SKP1: variants seen among roughly 807,000 people sequenced by gnomAD.
SKP1 encodes the protein S-phase kinase-associated protein 1.
SKP1 carries 1 observed loss-of-function variant against 21.5 expected under a neutral mutation model. The observed-to-expected ratio is 0.05, with a 90% CI of 0.02 to 0.22. SKP1 has a LOEUF of 0.22. SKP1 is among the 10% of genes least tolerant of loss of function. SKP1 has a pLI of 1.00. For synonymous variants in SKP1, 59 were observed against 59.3 expected (o/e 0.99, Z 0.03); for missense variants, 70 against 192.0 (o/e 0.36, Z 3.76).
Position 134,157,717 on chromosome 5 carries a change from T to G in SKP1, c.*16A>C. On this transcript the variant is annotated 3_prime_UTR_variant, in exon 6 of 6. Transcript: ENST00000353411. ...TGGAACAATCCTTACAGTGTTACAG[T>G]GTCAGGCACAACATTTCACTTCTCT... 6.3e-7 allele frequency: 1 copy of G among 1,599,226 alleles called. No homozygotes were observed. Among genetic ancestry groups the G allele is most frequent in the Non-Finnish European group, 8.6e-7 (1 of 1,166,692 alleles).
At chr5:134,158,306 CAGTAAG>C (rs747679667) in intron 5 of SKP1, 143 bp downstream of exon 5, 27 of 1,533,882 alleles carry the variant, frequency 1.8e-5, no homozygotes, top group Non-Finnish European at 2.3e-5. Flanking sequence ...AAAGACAGAA[CAGTAAG>C]AGTATGTTTA....
chr5:134,160,334 G>T (rs1206310642), intron 4 of SKP1, among the ~76,000 whole-genome samples: 1 of 151,942 alleles, frequency 6.6e-6, no homozygotes, highest in Non-Finnish European at 1.5e-5. Context: ...CACAGCCTGT[G>T]TGACAAGAGT....
intron 3 of SKP1, 179 bp from the exon 4 acceptor site, chr5:134,161,309 G>A (rs1761214619): frequency 1.9e-6 from 1 of 516,972 alleles, no homozygotes; most frequent in African/African-American, 1.9e-5. Flanking sequence ...CTAGAAGGGA[G>A]AAGATCTTAT....
intron 3 of SKP1, among the ~76,000 whole-genome samples, chr5:134,166,184 CAA>C (rs112400755): frequency 7.8e-6 from 1 of 127,452 alleles, no homozygotes; most frequent in African/African-American, 2.8e-5. Flanking sequence ...GGCTCCATCT[CAA>C]AAAAAAAAAA....
In SKP1 at chr5:134,170,255, T is replaced by C. The variant is rs561756049; in HGVS notation, c.98-3012A>G. Among the ~76,000 whole-genome samples the C allele has an allele frequency of 3.9e-5, 6 of 152,314 alleles. No homozygotes were observed. In the East Asian group the frequency reaches 1.2e-3, roughly 29 times the overall value. ...TTTTTTATTTTTTGTAAAGACAGGG[T>C]CCTGCTATGTTGTCCAGGCTGGTTT... On this transcript the variant is annotated intron_variant, in intron 2 of 5. Transcript: ENST00000353411.
At position 134,149,043 on chromosome 5, in the gene SKP1, G is replaced by A. The variant is rs551541252; in HGVS notation, c.*8690C>T. The A allele has an allele frequency of 6.6e-5, 10 of 152,228 alleles. No homozygotes were observed. Among genetic ancestry groups the A allele is most frequent in the South Asian group, 2.1e-4 (1 of 4,820 alleles). 9.4% of individuals were successfully genotyped at this position (152,228 alleles called of 1,614,324 possible). On this transcript the variant is annotated 3_prime_UTR_variant, in exon 6 of 6. Transcript: ENST00000353411. ...GTGTTACATGAATATATTGTGTAGC[G>A]GTGAGGTCCGGGCTATTTTTAGATT...
intron 3 of SKP1, among the ~76,000 whole-genome samples, chr5:134,163,203 C>T (rs1415595754): frequency 9.0e-5 from 5 of 55,698 alleles, no homozygotes; most frequent in South Asian, 6.9e-4. Flanking sequence ...CAAGAGAGTG[C>T]GATTCTGTCA....
chr5:134,150,021 A>G lies in SKP1; in HGVS notation c.*7712T>C, dbSNP rs573835888. The G allele has an allele frequency of 1.1e-4, 16 of 152,278 alleles. No individual in the cohort carries two copies. The highest frequency in any genetic ancestry group is 5.2e-4 in the Admixed American group (8 of 15,302). The allele number at this position is 152,278 out of a possible 1,614,324, so 9.4% of individuals were successfully genotyped here. Reference sequence around the variant, plus strand: ...GAGAACCAACCCTGTTTCCTGAGACATCATAAGACAAGATACCTTAGCCTC... The same window carrying G: ...GAGAACCAACCCTGTTTCCTGAGACGTCATAAGACAAGATACCTTAGCCTC... On this transcript the variant is annotated 3_prime_UTR_variant, in exon 6 of 6. Transcript: ENST00000353411.
Position 134,152,847 on chromosome 5 carries a change from A to G in SKP1, c.*4886T>C, listed in dbSNP as rs1480256545. 2 of 152,350 alleles carry G rather than the reference A, an allele frequency of 1.3e-5. No individual in the cohort carries two copies. Among genetic ancestry groups the G allele is most frequent in the African/African-American group, 4.8e-5 (2 of 41,446 alleles). The allele number at this position is 152,350 out of a possible 1,614,324, so 9.4% of individuals were successfully genotyped here. On this transcript the variant is annotated 3_prime_UTR_variant, in exon 6 of 6. Transcript: ENST00000353411. ...GAGCCACCGTGCCCAGCCCAGGAACATTTTTATTAGAGTTATCCACTCCCT... is the reference window on the plus strand; with the variant it reads ...GAGCCACCGTGCCCAGCCCAGGAACGTTTTTATTAGAGTTATCCACTCCCT...
chr5:134,163,641 T>C (rs1422950659), intron 3 of SKP1, among the ~76,000 whole-genome samples: 2 of 151,452 alleles, frequency 1.3e-5, no homozygotes, highest in East Asian at 3.9e-4. Context: ...AATACAAAAA[T>C]TTGCCAAGTG....
chr5:134,157,989 G>A, intron 5 of SKP1: 1 of 1,509,048 alleles, frequency 6.6e-7, no homozygotes, highest in South Asian at 1.2e-5. Context: ...CAAAGGCAAT[G>A]GGCAATTTAC....
chr5:134,158,632 G>C, intron 4 of SKP1, 37 bp from the exon 5 acceptor site: 1 of 1,582,506 alleles, frequency 6.3e-7, no homozygotes, highest in Admixed American at 1.7e-5. Flanking sequence ...AAGTATACTT[G>C]ATGTTTTAAA....
rs970729752 is a variant in SKP1, at chr5:134,155,631, T to C, written c.*2102A>G. Reference sequence around the variant, plus strand: ...CCTTTAAATACGGATAGTGACGTTATTTACTCATATAATTCTAACTACTGC... The same window carrying C: ...CCTTTAAATACGGATAGTGACGTTACTTACTCATATAATTCTAACTACTGC... On this transcript the variant is annotated 3_prime_UTR_variant, in exon 6 of 6. Coordinates refer to ENST00000353411, the MANE Select transcript of SKP1 (RefSeq NM_170679.3). 3 of 152,242 alleles carry C rather than the reference T, an allele frequency of 2.0e-5. No homozygotes were observed. The highest frequency in any genetic ancestry group is 7.2e-5 in the African/African-American group (3 of 41,460). 9.4% of individuals were successfully genotyped at this position (152,242 alleles called of 1,614,324 possible). A position where few individuals can be genotyped will look rare whatever the true frequency, so the allele number is the denominator to read the frequency against.
chr5:134,162,264 C>T (rs1376294629), intron 3 of SKP1, among the ~76,000 whole-genome samples: 1 of 152,106 alleles, frequency 6.6e-6, no homozygotes, highest in Non-Finnish European at 1.5e-5. Flanking sequence ...CCACACCTGG[C>T]TCATTTTTGT....
chr5:134,168,751 C>T (rs1251666355), intron 2 of SKP1, among the ~76,000 whole-genome samples: 2 of 151,982 alleles, frequency 1.3e-5, no homozygotes, highest in Non-Finnish European at 2.9e-5. Flanking sequence ...AGTCAGGGTA[C>T]ACTAAGGTTT....
rs72796658 is a variant in SKP1 at position 134,174,356 on chromosome 5, G to T, written c.1-334C>A. 1,714 of 280,534 alleles carry T rather than the reference G, an allele frequency of 6.1e-3. 8 individuals are homozygous for T. Among genetic ancestry groups the T allele is most frequent in the Admixed American group, 0.011 (202 of 18,836 alleles). 17.4% of individuals were successfully genotyped at this position (280,534 alleles called of 1,614,324 possible). A position where few individuals can be genotyped will look rare whatever the true frequency, so the allele number is the denominator to read the frequency against. ...TCCCACTGAATACTGGACTCCATCTGAACAGTTAACTGCCACAATTAACTA... is the reference window on the plus strand; with the variant it reads ...TCCCACTGAATACTGGACTCCATCTTAACAGTTAACTGCCACAATTAACTA... On this transcript the variant is annotated intron_variant, in intron 1 of 5. Transcript: ENST00000353411.
intron 5 of SKP1, chr5:134,158,045 G>C (rs1406156368): frequency 1.2e-5 from 17 of 1,465,678 alleles, no homozygotes; most frequent in Non-Finnish European, 1.3e-5. Context: ...CATTATTTCA[G>C]TCTGTAGTCA....
At position 134,152,148 on chromosome 5, in the gene SKP1, A is replaced by G. The variant is rs1280848524; in HGVS notation, c.*5585T>C. 3 of 152,208 alleles carry G rather than the reference A, an allele frequency of 2.0e-5. No individual in the cohort carries two copies. Among genetic ancestry groups the G allele is most frequent in the Admixed American group, 2.0e-4 (3 of 15,278 alleles). 9.4% of individuals were successfully genotyped at this position (152,208 alleles called of 1,614,324 possible). On this transcript the variant is annotated 3_prime_UTR_variant, in exon 6 of 6. Coordinates refer to ENST00000353411, the MANE Select transcript of SKP1 (RefSeq NM_170679.3). ...CAGGACTCTAACTGTAAAACCCCCA[A>G]CATTCAAAAGACTGGTTTAGTTGAA...
chr5:134,174,057 A>G (rs1349921510), intron 1 of SKP1, 35 bp from the exon 2 acceptor site: 1 of 1,287,586 alleles, frequency 7.8e-7, no homozygotes, highest in Non-Finnish European at 1.1e-6. Context: ...AAAATTTAAG[A>G]GAGAGAGTTC....
Sources: allele counts gnomAD v4.1 joint callset (sites outside exome capture counted in the v4.1 genomes callset), GRCh38; gene constraint gnomAD v4.1.1; transcripts MANE v1.5; gene names NCBI Gene and HGNC (gene_info 2026-07-23, HGNC 2026-07-21).